The following FSTL4 variants were observed in gnomAD, a reference collection of about 807,000 sequenced individuals.
FSTL4 encodes follistatin like 4, also known as follistatin-related protein 4.
Under a neutral mutation model 78.2 loss-of-function variants are expected in FSTL4, and 28 were observed. That is an observed-to-expected ratio of 0.36 (90% CI 0.27 to 0.49). FSTL4 has a LOEUF of 0.49. FSTL4 is among the 20% of genes least tolerant of loss of function. The pLI is 0.98. For missense variants in FSTL4, 922 were observed against 1,084.9 expected (o/e 0.85, Z 2.11); for synonymous variants, 422 against 440.5 (o/e 0.96, Z 0.53).
At chr5:133,204,350 C>G (rs1021712031) in intron 14 of FSTL4, among the ~76,000 whole-genome samples, 25 of 152,186 alleles carry the variant, frequency 1.6e-4, no homozygotes, top group Admixed American at 1.6e-3. Flanking sequence ...TTCAACAAAT[C>G]CTTCAGTGTT....
At chr5:133,429,742 C>T (rs558919562) in intron 3 of FSTL4, among the ~76,000 whole-genome samples, 13 of 152,226 alleles carry the variant, frequency 8.5e-5, no homozygotes, top group South Asian at 2.1e-4. Context: ...GAACAGAGCA[C>T]GGTAAGTTTA....
the FSTL4 span, among the ~76,000 whole-genome samples, chr5:133,700,122 C>T: frequency 1.3e-5 from 2 of 152,072 alleles, no homozygotes; most frequent in African/African-American, 2.4e-5. Flanking sequence ...GCAAGCCACA[C>T]CAAACCACCA....
intron 3 of FSTL4, among the ~76,000 whole-genome samples, chr5:133,548,481 T>C (rs1030467045): frequency 6.6e-6 from 1 of 152,124 alleles, no homozygotes; most frequent in Non-Finnish European, 1.5e-5. Flanking sequence ...ATAAGGCCTA[T>C]ACATTACAAC....
chr5:133,531,681 A>C (rs1759257041), intron 3 of FSTL4, among the ~76,000 whole-genome samples: 1 of 152,238 alleles, frequency 6.6e-6, no homozygotes, highest in Admixed American at 6.5e-5. Context: ...TAGAAAGGGA[A>C]AGATGATCCT....
the FSTL4 span, among the ~76,000 whole-genome samples, chr5:133,685,817 A>G: frequency 6.6e-6 from 1 of 152,216 alleles, no homozygotes; most frequent in Non-Finnish European, 1.5e-5. Flanking sequence ...CAATGCCTCC[A>G]CTGGCAACTG....
chr5:133,497,010 C>T (rs553039903), intron 3 of FSTL4, among the ~76,000 whole-genome samples: 11 of 152,320 alleles, frequency 7.2e-5, no homozygotes, highest in African/African-American at 2.6e-4. Context: ...CCCCAAGAGC[C>T]TCTGCCCACC....
At chr5:133,240,021 A>T (rs1281212249) in intron 7 of FSTL4, among the ~76,000 whole-genome samples, 1 of 152,180 alleles carries the variant, frequency 6.6e-6, no homozygotes, top group Non-Finnish European at 1.5e-5. Context: ...CACGCAGTGG[A>T]AGCTTTGTTC....
the FSTL4 span, among the ~76,000 whole-genome samples, chr5:133,696,811 G>T: frequency 6.6e-6 from 1 of 152,320 alleles, no homozygotes; most frequent in South Asian, 2.1e-4. Flanking sequence ...TGGGTACAGG[G>T]GTGTGTGCAT....
intron 7 of FSTL4, among the ~76,000 whole-genome samples, chr5:133,239,684 A>G (rs916140391): frequency 6.6e-6 from 1 of 152,182 alleles, no homozygotes; most frequent in African/African-American, 2.4e-5. Context: ...AAACCCACCA[A>G]TCAGCACCCT....
intron 6 of FSTL4, among the ~76,000 whole-genome samples, chr5:133,269,845 T>A (rs1013946993): frequency 6.6e-6 from 1 of 152,240 alleles, no homozygotes; most frequent in Non-Finnish European, 1.5e-5. Context: ...ATGGGTTTGG[T>A]GAACACTGTG....
chr5:133,497,452 A>C (rs1262758802), intron 3 of FSTL4, among the ~76,000 whole-genome samples: 7 of 152,142 alleles, frequency 4.6e-5, no homozygotes, highest in African/African-American at 1.7e-4. Flanking sequence ...TGCTGAGAGT[A>C]TTTTTGCTGT....
At chr5:133,694,586 C>T in the FSTL4 span, among the ~76,000 whole-genome samples, 7 of 152,264 alleles carry the variant, frequency 4.6e-5, no homozygotes, top group Admixed American at 1.3e-4. Flanking sequence ...TAAGCATGAG[C>T]TCTGTGTGGG....
rs763219146 is a variant in FSTL4, at chr5:133,312,610, G to T, written c.727+44C>A. ...CACCCAACAGCATTTTGGTGCAGAA[G>T]CACCTGCAGAAATAAGCCCTTTTCC... On this transcript the variant is annotated intron_variant, in intron 6 of 15. Coordinates refer to ENST00000265342, the MANE Select transcript of FSTL4 (RefSeq NM_015082.2). 5.6e-6 allele frequency: 9 copies of T among 1,601,594 alleles called. No individual in the cohort carries two copies. The African/African-American group carries it at 1.2e-4, about 21-fold the overall frequency.
the FSTL4 span, among the ~76,000 whole-genome samples, chr5:133,820,736 T>C: frequency 1.3e-5 from 2 of 152,214 alleles, no homozygotes; most frequent in Non-Finnish European, 2.9e-5. Flanking sequence ...TCACTTACTC[T>C]TGCAGGCAAC....
intron 3 of FSTL4, among the ~76,000 whole-genome samples, chr5:133,451,529 C>G (rs1241294569): frequency 6.6e-6 from 1 of 152,160 alleles, no homozygotes; most frequent in Non-Finnish European, 1.5e-5. Context: ...CCACTTCACT[C>G]TAGCCTGGGC....
At chr5:133,723,368 G>A in the FSTL4 span, among the ~76,000 whole-genome samples, 1 of 152,166 alleles carries the variant, frequency 6.6e-6, no homozygotes, top group Non-Finnish European at 1.5e-5. Context: ...TGTAGTTTGG[G>A]ATGCAGAATC....
chr5:133,723,987 G>A, the FSTL4 span, among the ~76,000 whole-genome samples: 1 of 152,214 alleles, frequency 6.6e-6, no homozygotes, highest in Admixed American at 6.5e-5. Context: ...TGCAGTGGCA[G>A]CAAAATTGGG....
intron 4 of FSTL4, among the ~76,000 whole-genome samples, chr5:133,348,041 T>G (rs1052652711): frequency 6.6e-6 from 1 of 152,190 alleles, no homozygotes; most frequent in Non-Finnish European, 1.5e-5. Flanking sequence ...CAGTGGTTTT[T>G]CATTTTCAGT....
chr5:133,677,553 G>A, the FSTL4 span, among the ~76,000 whole-genome samples: 2 of 152,250 alleles, frequency 1.3e-5, no homozygotes, highest in African/African-American at 2.4e-5. Flanking sequence ...TAGTAAAAAT[G>A]TATCCTGCAA....
Sources: gnomAD v4.1 joint callset for allele counts (sites outside exome capture counted in the v4.1 genomes callset) on GRCh38, gnomAD v4.1.1 for gene constraint, MANE v1.5 for transcripts, NCBI Gene and HGNC (gene_info 2026-07-23, HGNC 2026-07-21) for gene names.